The following FGF12 variants were observed in gnomAD, a reference collection of about 807,000 sequenced individuals.
FGF12 encodes fibroblast growth factor 12.
Under a neutral mutation model 23.6 loss-of-function variants are expected in FGF12, and 14 were observed. That is an observed-to-expected ratio of 0.59 (90% CI 0.39 to 0.93). FGF12 has a LOEUF of 0.93. Among genes scored for constraint, FGF12 ranks in the 40% least tolerant of loss-of-function variants. FGF12 has a pLI of 0.00. For synonymous variants in FGF12, 62 were observed against 77.3 expected, an observed-to-expected ratio of 0.80 and a Z score of 1.04; for missense variants, 175 against 217.8, an observed-to-expected ratio of 0.80 and a Z score of 1.24.
chr3:192,676,588 C>T (rs1717334245), intron 2 of FGF12, among the ~76,000 whole-genome samples: 1 of 152,138 alleles, frequency 6.6e-6, no homozygotes, highest in African/African-American at 2.4e-5. Flanking sequence ...ATGTTGAATT[C>T]CTCACCTACA....
At chr3:192,227,996 TG>T (rs1560200387) in intron 4 of FGF12, among the ~76,000 whole-genome samples, 1 of 152,056 alleles carries the variant, frequency 6.6e-6, no homozygotes. Context: ...AGATAAGTCA[TG>T]GGGGGATGAG....
chr3:192,333,435 T>A (rs374125508), intron 4 of FGF12, among the ~76,000 whole-genome samples: 1 of 152,134 alleles, frequency 6.6e-6, no homozygotes, highest in Admixed American at 6.6e-5. Flanking sequence ...TAATTTTAAT[T>A]CTTACATTTA....
At chr3:192,689,835 C>A (rs1717885253) in intron 2 of FGF12, among the ~76,000 whole-genome samples, 1 of 151,400 alleles carries the variant, frequency 6.6e-6, no homozygotes, top group Admixed American at 6.6e-5. Context: ...CCAAATTCAA[C>A]CCAAAGAAGA....
chr3:192,333,846 C>A (rs7635946), intron 4 of FGF12, among the ~76,000 whole-genome samples: 2 of 151,834 alleles, frequency 1.3e-5, no homozygotes, highest in African/African-American at 4.8e-5. Context: ...CCCCACCATG[C>A]GAAATGTGGT....
At chr3:192,626,275 C>T (rs768053457) in intron 2 of FGF12, among the ~76,000 whole-genome samples, 1 of 152,142 alleles carries the variant, frequency 6.6e-6, no homozygotes, top group Non-Finnish European at 1.5e-5. Context: ...ATTAATTTTC[C>T]AGGCAGTCAA....
At chr3:192,380,500 G>A (rs547058643) in intron 2 of FGF12, among the ~76,000 whole-genome samples, 59 of 152,244 alleles carry the variant, frequency 3.9e-4, no homozygotes, top group African/African-American at 1.4e-3. Flanking sequence ...TAGAGTATAA[G>A]TTCATGAGAG....
intron 2 of FGF12, among the ~76,000 whole-genome samples, chr3:192,464,677 A>T (rs1422167310): frequency 6.6e-6 from 1 of 152,164 alleles, no homozygotes; most frequent in Non-Finnish European, 1.5e-5. Context: ...CTCTGAGTAG[A>T]TACCTAGTAG....
chr3:192,584,664 T>C (rs151027739), intron 2 of FGF12, among the ~76,000 whole-genome samples: 126 of 152,322 alleles, frequency 8.3e-4, no homozygotes, highest in African/African-American at 2.7e-3. Context: ...CAAAATCTGA[T>C]ACTCCTGTCT....
intron 4 of FGF12, among the ~76,000 whole-genome samples, chr3:192,239,765 C>T (rs1470995260): frequency 6.6e-6 from 1 of 152,210 alleles, no homozygotes; most frequent in African/African-American, 2.4e-5. Context: ...ATCTCCAACC[C>T]CCAACTAGTC....
chr3:192,244,204 GAA>G (rs761242497), intron 4 of FGF12, among the ~76,000 whole-genome samples: 36 of 152,128 alleles, frequency 2.4e-4, no homozygotes, highest in Non-Finnish European at 4.9e-4. Context: ...TCTACTTTTA[GAA>G]ATTTACTCTG....
intron 2 of FGF12, among the ~76,000 whole-genome samples, chr3:192,451,063 CTT>C (rs1722506502): frequency 1.3e-5 from 2 of 152,190 alleles, no homozygotes; most frequent in Non-Finnish European, 1.5e-5. Flanking sequence ...CTGTGCTCTA[CTT>C]TGTATGGTGA....
chr3:192,276,313 T>TC (rs2108634438), intron 4 of FGF12, among the ~76,000 whole-genome samples: 2 of 152,296 alleles, frequency 1.3e-5, no homozygotes, highest in African/African-American at 4.8e-5. Context: ...CACAACAACC[T>TC]AGATGAAGTC....
chr3:192,367,945 C>T (rs142889257), intron 2 of FGF12, among the ~76,000 whole-genome samples: 114 of 152,320 alleles, frequency 7.5e-4, no homozygotes, highest in Admixed American at 2.3e-3. Context: ...GATTCTGTAA[C>T]TAAGTGCATT....
intron 4 of FGF12, among the ~76,000 whole-genome samples, chr3:192,211,444 A>T (rs1717922363): frequency 6.6e-6 from 1 of 152,058 alleles, no homozygotes; most frequent in Admixed American, 6.5e-5. Flanking sequence ...TATTTTTTTG[A>T]GACGGACCCT....
At chr3:192,513,075 T>A (rs577179658) in intron 2 of FGF12, among the ~76,000 whole-genome samples, 1 of 151,752 alleles carries the variant, frequency 6.6e-6, no homozygotes. Context: ...TAATTTGACA[T>A]GAGAGACTGC....
At position 192,681,450 on chromosome 3, in the gene FGF12, T is replaced by C. The variant is rs532269859; in HGVS notation, c.13+45731A>G. On this transcript the variant is annotated intron_variant, in intron 2 of 5. Transcript: ENST00000445105. ...AGTTCGAGGTGCTTTGGTTCTGAAG[T>C]CCAGGAGAAAGTTCTAGACTGGAAG... 7.2e-5 allele frequency among the ~76,000 whole-genome samples: 11 copies of C among 152,264 alleles called. No individual in the cohort carries two copies. The South Asian group carries it at 2.3e-3, about 32-fold the overall frequency.
At chr3:192,327,423 C>G (rs75138199) in intron 4 of FGF12, among the ~76,000 whole-genome samples, 5,668 of 149,466 alleles carry the variant, frequency 0.038, 203 homozygotes, top group South Asian at 0.17. Flanking sequence ...AAACAAAAAA[C>G]TGTGTTCGCA....
At chr3:192,690,013 G>A (rs1218508990) in intron 2 of FGF12, among the ~76,000 whole-genome samples, 2 of 151,910 alleles carry the variant, frequency 1.3e-5, no homozygotes, top group Non-Finnish European at 2.9e-5. Context: ...TCAAAATGTG[G>A]AAAGAAATAA....
intron 3 of FGF12, among the ~76,000 whole-genome samples, chr3:192,344,707 G>C (rs1437764854): frequency 6.6e-6 from 1 of 152,148 alleles, no homozygotes; most frequent in Non-Finnish European, 1.5e-5. Context: ...TAAGGTAGTA[G>C]AAATATTTGC....
Sources: allele counts gnomAD v4.1 joint callset (sites outside exome capture counted in the v4.1 genomes callset), GRCh38; gene constraint gnomAD v4.1.1; transcripts MANE v1.5; gene names NCBI Gene and HGNC (gene_info 2026-07-23, HGNC 2026-07-21).